Variants in EPHA5 observed in about 807,000 individuals in gnomAD.
EPHA5 encodes ephrin type-A receptor 5.
EPHA5 carries 60 observed loss-of-function variants against 105.0 expected under a neutral mutation model. The ratio of observed to expected loss-of-function variants is 0.57; its 90% CI spans 0.46 to 0.71. EPHA5 has a LOEUF of 0.71. Among genes scored for constraint, EPHA5 ranks in the 30% least tolerant of loss-of-function variants. The pLI is 0.00. For synonymous variants in EPHA5, 513 were observed against 449.1 expected (o/e 1.14, Z -1.80); for missense variants, 1,218 against 1,274.7 (o/e 0.96, Z 0.68).
chr4:65,643,066 G>T (rs796595747), intron 2 of EPHA5, among the ~76,000 whole-genome samples: 11 of 152,094 alleles, frequency 7.2e-5, no homozygotes, highest in African/African-American at 2.2e-4. Context: ...AATTCTGAAA[G>T]TTTCTTTGTT....
chr4:65,365,259 C>T (rs2148889641), intron 10 of EPHA5, 57 bp from the exon 11 acceptor site: 4 of 1,393,328 alleles, frequency 2.9e-6, no homozygotes, highest in Non-Finnish European at 4.0e-6. Flanking sequence ...AGTCTATTAA[C>T]ACTTGTATGC....
intron 14 of EPHA5, among the ~76,000 whole-genome samples, chr4:65,341,626 A>ATC (rs1044787308): frequency 1.3e-5 from 2 of 150,762 alleles, no homozygotes; most frequent in African/African-American, 4.9e-5. Flanking sequence ...TATGTTATAT[A>ATC]TCTCTCTCTC....
At chr4:65,446,737 T>C (rs1726573002) in intron 5 of EPHA5, among the ~76,000 whole-genome samples, 1 of 152,156 alleles carries the variant, frequency 6.6e-6, no homozygotes, top group Non-Finnish European at 1.5e-5. Flanking sequence ...GTATGTGTTG[T>C]GGAGGGATTG....
At chr4:65,536,803 A>T (rs2149313321) in intron 3 of EPHA5, among the ~76,000 whole-genome samples, 1 of 151,886 alleles carries the variant, frequency 6.6e-6, no homozygotes, top group Non-Finnish European at 1.5e-5. Flanking sequence ...GAATAAAATT[A>T]TAAAAATCTT....
intron 8 of EPHA5, chr4:65,376,892 G>T (rs1281060422): frequency 2.9e-6 from 3 of 1,024,278 alleles, no homozygotes; most frequent in Non-Finnish European, 4.0e-6. Context: ...TGGGGAGCCA[G>T]TTTTATTCTA....
intron 8 of EPHA5, among the ~76,000 whole-genome samples, chr4:65,389,533 TTAAA>T (rs1286541039): frequency 6.6e-6 from 1 of 152,088 alleles, no homozygotes; most frequent in Non-Finnish European, 1.5e-5. Flanking sequence ...AATTAAATGA[TTAAA>T]TAATCAAAGC....
chr4:65,366,809 T>C (rs1717952436), intron 9 of EPHA5, among the ~76,000 whole-genome samples: 1 of 152,032 alleles, frequency 6.6e-6, no homozygotes, highest in Admixed American at 6.6e-5. Context: ...GGAAAAATAA[T>C]AAAATATCAA....
At chr4:65,627,400 ATATTT>A (rs1746247298) in intron 2 of EPHA5, among the ~76,000 whole-genome samples, 1 of 152,186 alleles carries the variant, frequency 6.6e-6, no homozygotes, top group Non-Finnish European at 1.5e-5. Flanking sequence ...ATTTAACTTG[ATATTT>A]TCTAGACTCA....
chr4:65,489,754 C>T (rs74565577), intron 5 of EPHA5, among the ~76,000 whole-genome samples: 5,982 of 152,226 alleles, frequency 0.039, 144 homozygotes, highest in Admixed American at 0.073. Context: ...CGACTGTATT[C>T]CCTACTCCCT....
intron 3 of EPHA5, among the ~76,000 whole-genome samples, chr4:65,544,331 A>G (rs1737156589): frequency 6.6e-6 from 1 of 152,130 alleles, no homozygotes; most frequent in Admixed American, 6.6e-5. Flanking sequence ...CACACATCTG[A>G]CAAAGGTCTA....
intron 5 of EPHA5, among the ~76,000 whole-genome samples, chr4:65,429,504 T>A (rs1180033213): frequency 6.6e-6 from 1 of 152,052 alleles, no homozygotes; most frequent in Non-Finnish European, 1.5e-5. Flanking sequence ...TCTAATTCAG[T>A]TGTTAATTAT....
intron 3 of EPHA5, among the ~76,000 whole-genome samples, chr4:65,530,937 T>G (rs1207800187): frequency 6.6e-6 from 1 of 152,220 alleles, no homozygotes; most frequent in Non-Finnish European, 1.5e-5. Flanking sequence ...AGTGAAAGTA[T>G]AATAGTCGTA....
At chr4:65,335,542 C>T (rs916286113) in intron 15 of EPHA5, among the ~76,000 whole-genome samples, 2 of 151,968 alleles carry the variant, frequency 1.3e-5, no homozygotes, top group Non-Finnish European at 2.9e-5. Context: ...GTAATTATTG[C>T]TAGATATCTC....
chr4:65,514,801 T>C (rs985687896), intron 3 of EPHA5, among the ~76,000 whole-genome samples: 1 of 152,172 alleles, frequency 6.6e-6, no homozygotes, highest in African/African-American at 2.4e-5. Context: ...ACTCCTCTAA[T>C]ACTTTAACTC....
At chr4:65,508,406 G>A (rs1234714525) in intron 3 of EPHA5, among the ~76,000 whole-genome samples, 2 of 152,020 alleles carry the variant, frequency 1.3e-5, no homozygotes, top group African/African-American at 2.4e-5. Context: ...GGATATGCAA[G>A]GTCTTGGCCT....
rs746890888 is a variant in EPHA5, at chr4:65,495,387, C to T, written c.1066+1G>A. 6.2e-7 allele frequency: 1 copy of T among 1,610,842 alleles called. No homozygotes were observed. The highest frequency in any genetic ancestry group is 8.5e-7 in the Non-Finnish European group (1 of 1,178,726). On this transcript the variant is annotated splice_donor_variant, in intron 4 of 16. Transcript: ENST00000613740. LOFTEE classifies it high-confidence loss of function. ...CACCAAATATCCGTGGGTTTCCTTA[C>T]TTGTGCATGCCATTGTGGGTGGATC...
Position 65,336,097 on chromosome 4 carries a change from C to T in EPHA5, c.2624G>A (p.Arg875His), listed in dbSNP as rs764665078. The change falls in exon 15 of 17, where the codon CGT (arginine) becomes CAT (histidine). Residue 875 changes from arginine to histidine, a missense_variant. Coordinates refer to ENST00000613740, the MANE Select transcript of EPHA5 (RefSeq NM_001281766.3). ...DVIKAVEEGY[R>H]LPSPMDCPAA... The stretch of plus-strand genomic sequence containing the variant: ...AGGACAATCCATGGGGCTTGGCAGA[C>T]GATAGCCTTCCTCTACCGCTTTAAT... 58 of 1,610,972 alleles carry T rather than the reference C, an allele frequency of 3.6e-5. No homozygotes were observed. The highest frequency in any genetic ancestry group is 4.5e-5 in the East Asian group (2 of 44,684).
At chr4:65,339,949 G>A (rs1052272575) in intron 14 of EPHA5, among the ~76,000 whole-genome samples, 2 of 152,118 alleles carry the variant, frequency 1.3e-5, no homozygotes, top group Non-Finnish European at 2.9e-5. Flanking sequence ...TCTTATCAAC[G>A]TTATAACAAA....
At chr4:65,538,012 A>G (rs1222533743) in intron 3 of EPHA5, among the ~76,000 whole-genome samples, 1 of 151,760 alleles carries the variant, frequency 6.6e-6, no homozygotes, top group Non-Finnish European at 1.5e-5. Flanking sequence ...TACTTTTCTC[A>G]TTTTAGAAAA....
Sources: allele counts gnomAD v4.1 joint callset (sites outside exome capture counted in the v4.1 genomes callset), GRCh38; gene constraint gnomAD v4.1.1; transcripts MANE v1.5; gene names NCBI Gene and HGNC (gene_info 2026-07-23, HGNC 2026-07-21).